GLG1: variants seen among roughly 807,000 people sequenced by gnomAD.
The protein encoded by GLG1 is Golgi apparatus protein 1.
Under a neutral mutation model 160.5 loss-of-function variants are expected in GLG1, and 38 were observed. The observed-to-expected ratio is 0.24, with a 90% confidence interval of 0.18 to 0.31. The LOEUF (loss-of-function observed/expected upper bound fraction) is 0.31, where lower values mean the gene tolerates loss of function less well. Ranked by LOEUF, GLG1 falls within the 10% of genes least tolerant of loss-of-function variation. The pLI is 1.00. For missense variants in GLG1, 1,373 were observed against 1,505.2 expected (o/e 0.91, Z 1.45); for synonymous variants, 644 against 543.4 (o/e 1.19, Z -2.57).
At chr16:74,598,819 G>C (rs938287699) in intron 1 of GLG1, among the ~76,000 whole-genome samples, 4 of 151,908 alleles carry the variant, frequency 2.6e-5, no homozygotes, top group East Asian at 1.9e-4. Context: ...GAGAGGTGGA[G>C]GTTGCAGTGA....
At chr16:74,460,014 C>A (rs1174470649) in intron 22 of GLG1, among the ~76,000 whole-genome samples, 7 of 144,244 alleles carry the variant, frequency 4.9e-5, no homozygotes, top group African/African-American at 8.1e-5. Flanking sequence ...TGCTACCATG[C>A]CTGGCTGATT....
chr16:74,545,636 G>T (rs184441898), intron 1 of GLG1, among the ~76,000 whole-genome samples: 6 of 152,274 alleles, frequency 3.9e-5, no homozygotes, highest in African/African-American at 9.6e-5. Flanking sequence ...AAACATCAGA[G>T]GATTAGTTTG....
chr16:74,454,683 A>C (rs1489696252), intron 25 of GLG1, among the ~76,000 whole-genome samples: 6 of 140,430 alleles, frequency 4.3e-5, no homozygotes, highest in Non-Finnish European at 9.1e-5. Flanking sequence ...AAAAAAAAAA[A>C]AAAAAAAAAA....
intron 8 of GLG1, among the ~76,000 whole-genome samples, chr16:74,490,079 G>A (rs757323152): frequency 1.3e-5 from 2 of 152,162 alleles, no homozygotes; most frequent in Non-Finnish European, 2.9e-5. Flanking sequence ...GATATAAAGC[G>A]AAACTATCTC....
chr16:74,580,754 A>C (rs976882562), intron 1 of GLG1, among the ~76,000 whole-genome samples: 25 of 152,334 alleles, frequency 1.6e-4, no homozygotes, highest in Admixed American at 1.6e-3. Flanking sequence ...TTTGCAGGTC[A>C]TCTATCTGAT....
Position 74,462,117 on chromosome 16 carries a change from G to A in GLG1, c.3013C>T (p.Leu1005Phe), listed in dbSNP as rs1171540912. 1 of 1,599,168 alleles carries A rather than the reference G, an allele frequency of 6.3e-7. No individual in the cohort carries two copies. The highest frequency in any genetic ancestry group is 8.6e-7 in the Non-Finnish European group (1 of 1,166,630). ...SALDYRLDPQ[L>F]QLHCSDEISS... Reference sequence around the variant, plus strand: ...ACCTCGTCTGAGCAGTGCAGCTGGAGCTGAGGATCCAGGCGGTAGTCCAGG... The same window carrying A: ...ACCTCGTCTGAGCAGTGCAGCTGGAACTGAGGATCCAGGCGGTAGTCCAGG... The change falls in exon 22 of 26, where the codon CTC becomes TTC. Residue 1005 changes from leucine to phenylalanine, a missense_variant. Physicochemically the swap from Leu to Phe is conservative, Grantham distance 22. This residue lies in a region of GLG1 where 491 missense variants were observed against 632.1 expected (regional missense o/e 0.78). Coordinates refer to ENST00000422840, the MANE Select transcript of GLG1 (RefSeq NM_001145667.2).
intron 10 of GLG1, among the ~76,000 whole-genome samples, chr16:74,482,080 G>T (rs1042850094): frequency 6.6e-6 from 1 of 151,938 alleles, no homozygotes; most frequent in African/African-American, 2.4e-5. Flanking sequence ...GAGCCACCGC[G>T]CCCGGTTCAA....
intron 1 of GLG1, among the ~76,000 whole-genome samples, chr16:74,566,815 A>G (rs2018666402): frequency 6.6e-6 from 1 of 152,118 alleles, no homozygotes; most frequent in Non-Finnish European, 1.5e-5. Flanking sequence ...GATACAACAA[A>G]TTTTTTTCCA....
intron 14 of GLG1, 52 bp from the exon 15 acceptor site, chr16:74,471,338 A>C: frequency 2.0e-6 from 2 of 1,016,922 alleles, no homozygotes; most frequent in Admixed American, 3.4e-5. Flanking sequence ...TAATGAACAA[A>C]ACTTGTAGCC....
intron 1 of GLG1, among the ~76,000 whole-genome samples, chr16:74,603,314 G>A (rs1208144979): frequency 6.7e-6 from 1 of 149,976 alleles, no homozygotes. Context: ...GGACGCTGAG[G>A]CAGAAGAACT....
chr16:74,518,326 A>G (rs1039037887), intron 2 of GLG1, among the ~76,000 whole-genome samples: 1 of 152,200 alleles, frequency 6.6e-6, no homozygotes, highest in African/African-American at 2.4e-5. Flanking sequence ...TAACCAAAAC[A>G]GCGTGGTACT....
intron 1 of GLG1, among the ~76,000 whole-genome samples, chr16:74,580,968 G>A (rs560770765): frequency 2.0e-5 from 3 of 152,250 alleles, no homozygotes; most frequent in East Asian, 3.9e-4. Flanking sequence ...GCGAGACTAC[G>A]TCTCAAAAAC....
chr16:74,452,192 C>T lies in GLG1; in HGVS notation c.*975G>A. Reference sequence around the variant, plus strand: ...TCCCACTTCCTGACCCACTGCTCCCCACACCCATCTTCAAGGACCCCTCCC... The same window carrying T: ...TCCCACTTCCTGACCCACTGCTCCCTACACCCATCTTCAAGGACCCCTCCC... On this transcript the variant is annotated 3_prime_UTR_variant, in exon 26 of 26. Coordinates refer to ENST00000422840, the MANE Select transcript of GLG1 (RefSeq NM_001145667.2). 3 of 1,577,052 alleles carry T rather than the reference C, an allele frequency of 1.9e-6. No individual in the cohort carries two copies. The highest frequency in any genetic ancestry group is 2.6e-6 in the Non-Finnish European group (3 of 1,161,194).
intron 15 of GLG1, 47 bp from the exon 16 acceptor site, chr16:74,470,120 G>T: frequency 8.9e-7 from 1 of 1,126,036 alleles, no homozygotes; most frequent in Non-Finnish European, 1.3e-6. Flanking sequence ...GGCAACTTGT[G>T]GTCAGTAGTG....
intron 2 of GLG1, among the ~76,000 whole-genome samples, chr16:74,509,230 C>T (rs575316819): frequency 7.4e-6 from 1 of 134,454 alleles, no homozygotes; most frequent in African/African-American, 2.8e-5. Context: ...TGGAGTGCAA[C>T]GGCGTGATCG....
At chr16:74,566,676 A>G (rs753122284) in intron 1 of GLG1, among the ~76,000 whole-genome samples, 2 of 152,010 alleles carry the variant, frequency 1.3e-5, no homozygotes, top group Admixed American at 1.3e-4. Context: ...TCCTTTAGTC[A>G]TACTATTAGA....
chr16:74,580,023 A>G (rs1957903198), intron 1 of GLG1, among the ~76,000 whole-genome samples: 1 of 152,216 alleles, frequency 6.6e-6, no homozygotes, highest in Non-Finnish European at 1.5e-5. Context: ...AGATCCTGCC[A>G]CTGCACTCCA....
Position 74,585,834 on chromosome 16 carries a change from G to A in GLG1, c.438+20823C>T, listed in dbSNP as rs1056430516. ...TCTCAACACTTTGGGAGGCCAAGGTGGGTAGACCACTTGAGGTCAGGAGTT... is the reference window on the plus strand; with the variant it reads ...TCTCAACACTTTGGGAGGCCAAGGTAGGTAGACCACTTGAGGTCAGGAGTT... On this transcript the variant is annotated intron_variant, in intron 1 of 25. Transcript: ENST00000422840. Among the ~76,000 whole-genome samples the A allele has an allele frequency of 7.9e-5, 12 of 152,168 alleles. No individual in the cohort carries two copies. The South Asian group carries it at 8.3e-4, about 11-fold the overall frequency.
intron 13 of GLG1, 138 bp from the exon 14 acceptor site, chr16:74,472,549 G>C (rs8059315): frequency 0.18 from 257,946 of 1,466,034 alleles, 24,500 homozygotes; most frequent in Middle Eastern, 0.24. Flanking sequence ...TCTAGTATTT[G>C]AAGTAGATAG....
Sources: allele counts gnomAD v4.1 joint callset (sites outside exome capture counted in the v4.1 genomes callset), GRCh38; gene constraint gnomAD v4.1.1; regional missense constraint gnomAD v4.1.1; transcripts MANE v1.5; gene names NCBI Gene and HGNC (gene_info 2026-07-23, HGNC 2026-07-21).